Variants in GALNTL6 observed in about 807,000 individuals in gnomAD.
GALNTL6 encodes the protein polypeptide N-acetylgalactosaminyltransferase like 6, also known as polypeptide N-acetylgalactosaminyltransferase-like 6.
Under a neutral mutation model 73.7 loss-of-function variants are expected in GALNTL6, and 46 were observed. The ratio of observed to expected loss-of-function variants is 0.62; its 90% CI spans 0.49 to 0.80. The LOEUF is 0.80. Ranked by LOEUF, GALNTL6 falls within the 30% of genes least tolerant of loss-of-function variation. The pLI is 0.00. For missense variants in GALNTL6, 604 were observed against 755.0 expected (o/e 0.80, Z 2.34); for synonymous variants, 259 against 263.7 (o/e 0.98, Z 0.17).
chr4:171,892,294 T>C (rs916708485), intron 2 of GALNTL6, among the ~76,000 whole-genome samples: 2 of 152,178 alleles, frequency 1.3e-5, no homozygotes, highest in African/African-American at 4.8e-5. Flanking sequence ...ATCCCCCATA[T>C]ATAGAGGATG....
chr4:172,423,662 TTTAC>T (rs1028830760), intron 5 of GALNTL6, among the ~76,000 whole-genome samples: 21 of 152,146 alleles, frequency 1.4e-4, no homozygotes, highest in African/African-American at 5.1e-4. Context: ...ATATCATGTA[TTTAC>T]TTACTTATAA....
intron 2 of GALNTL6, among the ~76,000 whole-genome samples, chr4:171,933,516 G>A (rs147643988): frequency 6.6e-6 from 1 of 152,092 alleles, no homozygotes; most frequent in African/African-American, 2.4e-5. Context: ...CCAATTAATT[G>A]TTATTAACTG....
intron 5 of GALNTL6, among the ~76,000 whole-genome samples, chr4:172,581,083 T>A (rs1039577311): frequency 1.3e-5 from 2 of 152,174 alleles, no homozygotes; most frequent in Non-Finnish European, 2.9e-5. Context: ...AAAATTTATA[T>A]ACAACATCGT....
rs189058751 is a variant in GALNTL6 at position 171,984,758 on chromosome 4, G to A, written c.138+170040G>A. On this transcript the variant is annotated intron_variant, in intron 2 of 12. Transcript: ENST00000506823. ...ATTAAACTAGCTCTTAGATTAATGG[G>A]GGTATTTGAGTATAGTCTGGGTCCC... 2.1e-3 allele frequency among the ~76,000 whole-genome samples: 320 copies of A among 152,222 alleles called. 1 individual carries two copies. Among genetic ancestry groups the A allele is most frequent in the Non-Finnish European group, 2.8e-3 (191 of 68,004 alleles).
In GALNTL6 at chr4:172,816,556, CTG is replaced by C. The variant is rs1412871233; in HGVS notation, c.923+2835_923+2836del. 2.6e-5 allele frequency among the ~76,000 whole-genome samples: 4 copies of C among 152,160 alleles called. No individual in the cohort carries two copies. The East Asian group carries it at 5.8e-4, about 22-fold the overall frequency. The stretch of plus-strand genomic sequence containing the variant: ...ATATATGAACCTGATGTGGTATAAA[CTG>C]TATTTCTTCACATAGACTACACAGT... On this transcript the variant is annotated intron_variant, in intron 7 of 12. Coordinates refer to ENST00000506823, the MANE Select transcript of GALNTL6 (RefSeq NM_001034845.3).
At chr4:172,742,805 A>C (rs988634371) in intron 5 of GALNTL6, among the ~76,000 whole-genome samples, 5 of 152,078 alleles carry the variant, frequency 3.3e-5, no homozygotes, top group African/African-American at 1.2e-4. Flanking sequence ...TGGAAGCCTT[A>C]ATACTATAGC....
At chr4:172,477,560 G>A (rs1367456377) in intron 5 of GALNTL6, among the ~76,000 whole-genome samples, 1 of 152,078 alleles carries the variant, frequency 6.6e-6, no homozygotes, top group Non-Finnish European at 1.5e-5. Flanking sequence ...AGCAACACAT[G>A]GTAAGATGGT....
At chr4:172,664,569 C>T (rs1225747304) in intron 5 of GALNTL6, among the ~76,000 whole-genome samples, 1 of 152,172 alleles carries the variant, frequency 6.6e-6, no homozygotes, top group African/African-American at 2.4e-5. Context: ...GATTTAGGCA[C>T]CACGCCTTTA....
chr4:172,393,261 G>A (rs1743731352), intron 5 of GALNTL6, among the ~76,000 whole-genome samples: 1 of 152,134 alleles, frequency 6.6e-6, no homozygotes, highest in African/African-American at 2.4e-5. Context: ...GAAAACACTT[G>A]AGAAAAAATG....
intron 2 of GALNTL6, among the ~76,000 whole-genome samples, chr4:171,888,100 A>G (rs1223705838): frequency 6.6e-6 from 1 of 152,048 alleles, no homozygotes; most frequent in Non-Finnish European, 1.5e-5. Context: ...TACTTATTGC[A>G]GATTGTTTTT....
At chr4:172,438,174 A>C (rs999062761) in intron 5 of GALNTL6, among the ~76,000 whole-genome samples, 1 of 152,072 alleles carries the variant, frequency 6.6e-6, no homozygotes, top group Non-Finnish European at 1.5e-5. Context: ...GGTAATTTCA[A>C]TATTTACAAT....
intron 7 of GALNTL6, among the ~76,000 whole-genome samples, chr4:172,826,500 A>G (rs924199416): frequency 6.6e-6 from 1 of 152,214 alleles, no homozygotes; most frequent in African/African-American, 2.4e-5. Context: ...TAAATTCCAA[A>G]CCACGGGAAA....
At chr4:172,711,964 T>A (rs1414143607) in intron 5 of GALNTL6, among the ~76,000 whole-genome samples, 1 of 152,080 alleles carries the variant, frequency 6.6e-6, no homozygotes, top group Admixed American at 6.6e-5. Context: ...ACCAGAGCTA[T>A]CCCGGAAGGC....
intron 5 of GALNTL6, among the ~76,000 whole-genome samples, chr4:172,802,274 C>A (rs1740694271): frequency 2.0e-5 from 3 of 152,130 alleles, no homozygotes; most frequent in African/African-American, 7.2e-5. Context: ...GCTGAAAGAG[C>A]CAGTGCTTTT....
At chr4:171,892,099 C>T (rs1247771613) in intron 2 of GALNTL6, among the ~76,000 whole-genome samples, 1 of 152,184 alleles carries the variant, frequency 6.6e-6, no homozygotes, top group Non-Finnish European at 1.5e-5. Context: ...ATTTAAAATG[C>T]ATCAGGCTAT....
At chr4:172,914,377 G>C (rs1747384059) in intron 8 of GALNTL6, among the ~76,000 whole-genome samples, 3 of 152,194 alleles carry the variant, frequency 2.0e-5, no homozygotes, top group Admixed American at 2.0e-4. Context: ...CATAATGACA[G>C]GATCAAATTC....
chr4:172,219,901 A>G (rs1232271144), intron 2 of GALNTL6, among the ~76,000 whole-genome samples: 6 of 151,968 alleles, frequency 3.9e-5, no homozygotes, highest in Non-Finnish European at 1.5e-5. Flanking sequence ...TTGCTTACCC[A>G]CGTAAGAACC....
chr4:172,352,476 A>C (rs1402536586), intron 5 of GALNTL6, among the ~76,000 whole-genome samples: 1 of 152,176 alleles, frequency 6.6e-6, no homozygotes, highest in Non-Finnish European at 1.5e-5. Flanking sequence ...TTAACAACTT[A>C]ACTTGAGGCC....
chr4:172,633,036 TG>T (rs1377494573), intron 5 of GALNTL6, among the ~76,000 whole-genome samples: 6 of 152,348 alleles, frequency 3.9e-5, no homozygotes, highest in African/African-American at 1.4e-4. Flanking sequence ...TGGAAATGCC[TG>T]GATGTCCAGG....
Sources: allele counts gnomAD v4.1 joint callset (sites outside exome capture counted in the v4.1 genomes callset), GRCh38; gene constraint gnomAD v4.1.1; transcripts MANE v1.5; gene names NCBI Gene and HGNC (gene_info 2026-07-23, HGNC 2026-07-21).